Variants in TIMD4 observed in about 807,000 individuals in gnomAD.
The protein encoded by TIMD4 is T cell immunoglobulin and mucin domain containing 4.
Under a neutral mutation model 41.2 loss-of-function variants are expected in TIMD4, and 31 were observed. The observed-to-expected ratio is 0.75, with a 90% CI of 0.57 to 1.01. The LOEUF is 1.01. Among genes scored for constraint, TIMD4 ranks in the 50% least tolerant of loss-of-function variants. The pLI is 0.00. For synonymous variants in TIMD4, 204 were observed against 177.1 expected (o/e 1.15, Z -1.21); for missense variants, 479 against 472.5 (o/e 1.01, Z -0.13).
chr5:156,960,781 A>G (rs1346549889), intron 1 of TIMD4, among the ~76,000 whole-genome samples: 1 of 152,250 alleles, frequency 6.6e-6, no homozygotes, highest in East Asian at 1.9e-4. Flanking sequence ...GCCACAAAGC[A>G]GACCTGGGCT....
chr5:156,959,422 C>T (rs995918834), intron 1 of TIMD4, among the ~76,000 whole-genome samples: 7 of 152,134 alleles, frequency 4.6e-5, no homozygotes, highest in Non-Finnish European at 7.4e-5. Flanking sequence ...AGTATTAATA[C>T]GCGTAACAAA....
intron 5 of TIMD4, among the ~76,000 whole-genome samples, chr5:156,942,244 A>G (rs1478285432): frequency 1.3e-5 from 2 of 152,206 alleles, no homozygotes; most frequent in African/African-American, 2.4e-5. Context: ...GAAACCTCAT[A>G]TGTAAATAAG....
At chr5:156,957,528 AAAAG>A (rs1759995682) in intron 1 of TIMD4, among the ~76,000 whole-genome samples, 1 of 151,602 alleles carries the variant, frequency 6.6e-6, no homozygotes. Flanking sequence ...AAAAAAAGAA[AAAAG>A]AAAAAGAAAA....
chr5:156,940,866 G>C lies in TIMD4; in HGVS notation c.844+7550C>G, dbSNP rs200568554. 5.9e-5 allele frequency among the ~76,000 whole-genome samples: 9 copies of C among 152,412 alleles called. No homozygotes were observed. The East Asian group carries it at 1.7e-3, about 29-fold the overall frequency. ...CCATGATGACGATGGCGGTTTTGTTGAACAGAAAAGGGGGAAATGTGGGGA... is the reference window on the plus strand; with the variant it reads ...CCATGATGACGATGGCGGTTTTGTTCAACAGAAAAGGGGGAAATGTGGGGA... On this transcript the variant is annotated intron_variant, in intron 5 of 8. Transcript: ENST00000274532.
chr5:156,947,475 G>A (rs1027933755), intron 5 of TIMD4, among the ~76,000 whole-genome samples: 32 of 152,278 alleles, frequency 2.1e-4, no homozygotes, highest in African/African-American at 7.5e-4. Context: ...TGGTTAGGGA[G>A]GTATGCATGT....
Position 156,949,715 on chromosome 5 carries a change from G to A in TIMD4, c.696C>T (p.Leu232=). 1.2e-6 allele frequency: 2 copies of A among 1,613,244 alleles called. No homozygotes were observed. Among genetic ancestry groups the A allele is most frequent in the Non-Finnish European group, 1.7e-6 (2 of 1,179,236 alleles). ...CAACACTACTCCAGGAATCACTGGG[G>A]AGGACAGTTTCTGATTCTGGAAGAG... is the stretch of plus-strand genomic sequence containing the variant. ...PILTAESETV[L]PSDSWSSVES... Residue 232 remains leucine (L), a synonymous_variant, in exon 4 of 9, where the codon CTC becomes CTT. Coordinates refer to ENST00000274532, the MANE Select transcript of TIMD4 (RefSeq NM_138379.3).
At chr5:156,951,918 G>A in intron 2 of TIMD4, 128 bp from the exon 3 acceptor site, 5 of 1,291,490 alleles carry the variant, frequency 3.9e-6, no homozygotes, top group Non-Finnish European at 5.4e-6. Flanking sequence ...CGATTGTAAT[G>A]CCCAATAAAA....
intron 6 of TIMD4, chr5:156,924,288 G>T: frequency 2.8e-6 from 1 of 361,340 alleles, no homozygotes; most frequent in South Asian, 2.4e-5. Flanking sequence ...ATGAGTCAAG[G>T]ACCCAGCTTA....
At chr5:156,943,397 T>C (rs1159195471) in intron 5 of TIMD4, among the ~76,000 whole-genome samples, 1 of 152,086 alleles carries the variant, frequency 6.6e-6, no homozygotes. Context: ...AACAAATAAC[T>C]CACCTGAGAT....
At chr5:156,953,260 G>C (rs574363735) in intron 2 of TIMD4, among the ~76,000 whole-genome samples, 2 of 152,248 alleles carry the variant, frequency 1.3e-5, no homozygotes, top group South Asian at 2.1e-4. Flanking sequence ...TCAGAATGTT[G>C]CCTTAAGAGA....
chr5:156,951,531 T>C lies in TIMD4; in HGVS notation c.660A>G (p.Glu220=). The change falls in exon 3 of 9, where the codon GAA becomes GAG. Residue 220 remains glutamate, a synonymous_variant. Coordinates refer to ENST00000274532, the MANE Select transcript of TIMD4 (RefSeq NM_138379.3). ...TGLLTPEPSK[E]GPILTAESET... ...GCGTACCTGCAGTGAGGATGGGCCC[T>C]TCCTTAGAAGGCTCGGGAGTCAGAA... The C allele has an allele frequency of 1.9e-6, 3 of 1,614,136 alleles. No individual in the cohort carries two copies. Among genetic ancestry groups the C allele is most frequent in the Non-Finnish European group, 2.5e-6 (3 of 1,180,024 alleles).
At chr5:156,944,820 A>C (rs192477150) in intron 5 of TIMD4, among the ~76,000 whole-genome samples, 352 of 152,210 alleles carry the variant, frequency 2.3e-3, no homozygotes, top group African/African-American at 8.2e-3. Flanking sequence ...AAGTGCTGGG[A>C]TTACAGGCTT....
At chr5:156,933,150 G>A (rs1490511154) in intron 5 of TIMD4, among the ~76,000 whole-genome samples, 1 of 152,178 alleles carries the variant, frequency 6.6e-6, no homozygotes, top group African/African-American at 2.4e-5. Flanking sequence ...GAGTTTAAAA[G>A]AATATAGAAT....
intron 8 of TIMD4, 135 bp downstream of exon 8, chr5:156,920,329 C>G: frequency 9.9e-7 from 1 of 1,008,820 alleles, no homozygotes; most frequent in South Asian, 1.5e-5. Flanking sequence ...AACTTTTTCA[C>G]TTCTAATGTC....
chr5:156,921,616 C>CAAA (rs66842169), intron 7 of TIMD4, among the ~76,000 whole-genome samples: 843 of 46,344 alleles, frequency 0.018, no homozygotes, highest in East Asian at 0.029. Context: ...GAGACTCTCT[C>CAAA]AAAAAAAAAA....
chr5:156,947,801 A>C (rs138743986), intron 5 of TIMD4, among the ~76,000 whole-genome samples: 1 of 152,218 alleles, frequency 6.6e-6, no homozygotes, highest in African/African-American at 2.4e-5. Flanking sequence ...TCAACTAATA[A>C]CAGTTATTAT....
intron 5 of TIMD4, among the ~76,000 whole-genome samples, chr5:156,937,372 G>T (rs955501777): frequency 1.4e-5 from 2 of 145,372 alleles, no homozygotes; most frequent in African/African-American, 4.9e-5. Context: ...CTTGTTTATA[G>T]GGCAGAAAAC....
chr5:156,940,254 A>G (rs1581621027), intron 5 of TIMD4, among the ~76,000 whole-genome samples: 3 of 152,316 alleles, frequency 2.0e-5, no homozygotes, highest in African/African-American at 7.2e-5. Flanking sequence ...TCACTTACAC[A>G]GTGCTCAATG....
chr5:156,922,003 G>A, intron 7 of TIMD4, 96 bp downstream of exon 7: 2 of 901,290 alleles, frequency 2.2e-6, no homozygotes, highest in Non-Finnish European at 3.4e-6. Flanking sequence ...AGCCTCTTTG[G>A]GGAGGGATAA....
Sources: gnomAD v4.1 joint callset for allele counts (sites outside exome capture counted in the v4.1 genomes callset) on GRCh38, gnomAD v4.1.1 for gene constraint, MANE v1.5 for transcripts, NCBI Gene and HGNC (gene_info 2026-07-23, HGNC 2026-07-21) for gene names.